POLD3: variants seen among roughly 807,000 people sequenced by gnomAD.
The protein encoded by POLD3 is DNA polymerase delta subunit 3.
Under a neutral mutation model 58.2 loss-of-function variants are expected in POLD3, and 19 were observed. The observed-to-expected ratio is 0.33, with a 90% CI of 0.23 to 0.48. The LOEUF (loss-of-function observed/expected upper bound fraction) is 0.48, where lower values mean the gene tolerates loss of function less well. Among genes scored for constraint, POLD3 ranks in the 20% least tolerant of loss-of-function variants. The pLI is 0.99. For missense variants in POLD3, 504 were observed against 545.5 expected, an observed-to-expected ratio of 0.92 and a Z score of 0.76; for synonymous variants, 172 against 193.5, an observed-to-expected ratio of 0.89 and a Z score of 0.92.
intron 3 of POLD3, among the ~76,000 whole-genome samples, chr11:74,609,365 TATATA>T (rs2031815482): frequency 4.2e-5 from 1 of 23,960 alleles, no homozygotes; most frequent in African/African-American, 3.7e-4. Context: ...TATATATATA[TATATA>T]TATTTTTTTT....
At chr11:74,653,896 C>T (rs1396677931) in intron 4 of POLD3, among the ~76,000 whole-genome samples, 2 of 152,138 alleles carry the variant, frequency 1.3e-5, no homozygotes, top group African/African-American at 2.4e-5. Context: ...AGCATGGTGC[C>T]AGCATCAGCT....
chr11:74,656,966 G>GAGTGTTGAAGGCTCCAGCTATTATTGC (rs1554980867), intron 4 of POLD3, among the ~76,000 whole-genome samples: 16 of 139,400 alleles, frequency 1.1e-4, no homozygotes, highest in Non-Finnish European at 1.6e-4. Context: ...GCTGAAAGTA[G>GAGTGTTGAAGGCTCCAGCTATTATTGC]ATTGGGGGCA....
At chr11:74,598,633 C>T (rs1448880490) in intron 2 of POLD3, among the ~76,000 whole-genome samples, 1 of 152,194 alleles carries the variant, frequency 6.6e-6, no homozygotes, top group Non-Finnish European at 1.5e-5. Flanking sequence ...ATGCACATGT[C>T]TGGCTGTTGA....
At chr11:74,638,123 G>A (rs1215984818) in intron 11 of POLD3, among the ~76,000 whole-genome samples, 4 of 152,224 alleles carry the variant, frequency 2.6e-5, no homozygotes, top group Non-Finnish European at 4.4e-5. Context: ...TGTTACCCAC[G>A]AAAACCAGGT....
At position 74,661,917 on chromosome 11, in the gene POLD3, T is replaced by G. The variant is rs112269670; in HGVS notation, c.370-6860T>G. Among the ~76,000 whole-genome samples the G allele has an allele frequency of 2.6e-3, 400 of 152,350 alleles. 1 individual carries two copies. Among genetic ancestry groups the G allele is most frequent in the African/African-American group, 9.1e-3 (378 of 41,582 alleles). ...TGCTACGAGACAAAGTCCTTTCTAC[T>G]CTTCCCTTCCCTTTCCACAGGCCGA... On this transcript the variant is annotated intron_variant, in intron 4 of 4. Transcript: ENST00000524752.
At chr11:74,625,901 G>GTGTGTGTA (rs569054496) in intron 8 of POLD3, among the ~76,000 whole-genome samples, 3 of 151,522 alleles carry the variant, frequency 2.0e-5, no homozygotes, top group African/African-American at 7.3e-5. Context: ...GTGTGTGTGT[G>GTGTGTGTA]TGTGTTTCAC....
chr11:74,610,291 A>G (rs549024341), intron 3 of POLD3, among the ~76,000 whole-genome samples: 5 of 151,252 alleles, frequency 3.3e-5, no homozygotes, highest in South Asian at 2.1e-4. Context: ...GCTCACTGCA[A>G]CCTCTGCCTC....
At chr11:74,619,550 T>C (rs781488464) in intron 6 of POLD3, among the ~76,000 whole-genome samples, 2 of 152,194 alleles carry the variant, frequency 1.3e-5, no homozygotes, top group Non-Finnish European at 2.9e-5. Flanking sequence ...AGATATTAAC[T>C]ATTTCCCTTT....
At chr11:74,639,738 C>T (rs7925747) in intron 11 of POLD3, among the ~76,000 whole-genome samples, 130,475 of 152,304 alleles carry the variant, frequency 0.86, 56,408 homozygotes, top group African/African-American at 0.97. Flanking sequence ...CTTACTGTTA[C>T]AGTTCTTTTC....
At chr11:74,631,955 C>T (rs2032606642) in intron 9 of POLD3, among the ~76,000 whole-genome samples, 1 of 151,902 alleles carries the variant, frequency 6.6e-6, no homozygotes, top group Admixed American at 6.6e-5. Flanking sequence ...TCTCTTTTAC[C>T]CCTGCGGGGT....
intron 9 of POLD3, among the ~76,000 whole-genome samples, 192 bp downstream of exon 9, chr11:74,629,515 A>G (rs1036158796): frequency 6.6e-6 from 1 of 152,208 alleles, no homozygotes; most frequent in Non-Finnish European, 1.5e-5. Flanking sequence ...GAAATTTGTC[A>G]AAATAACACA....
At chr11:74,607,809 T>G (rs572221372) in intron 3 of POLD3, among the ~76,000 whole-genome samples, 6 of 152,174 alleles carry the variant, frequency 3.9e-5, no homozygotes, top group Admixed American at 3.3e-4. Context: ...CTTGAACTTC[T>G]AAGTTCAAGT....
intron 3 of POLD3, among the ~76,000 whole-genome samples, chr11:74,608,214 C>T (rs1320600734): frequency 1.3e-5 from 2 of 152,148 alleles, no homozygotes; most frequent in East Asian, 3.8e-4. Flanking sequence ...CTCCTGGGTC[C>T]AAGCGATCCC....
chr11:74,625,979 TTTATATCA>T (rs1245346150), intron 8 of POLD3, among the ~76,000 whole-genome samples: 6 of 152,100 alleles, frequency 3.9e-5, no homozygotes, highest in Non-Finnish European at 5.9e-5. Flanking sequence ...TTGTTTTCTT[TTTATATCA>T]ATGAGTTTAT....
At chr11:74,664,829 G>T (rs1037344874) in intron 4 of POLD3, among the ~76,000 whole-genome samples, 33 of 152,188 alleles carry the variant, frequency 2.2e-4, no homozygotes, top group Non-Finnish European at 4.4e-5. Flanking sequence ...GCTGGGTGTG[G>T]TGGCTCACGC....
intron 9 of POLD3, among the ~76,000 whole-genome samples, chr11:74,632,103 A>G (rs1339101077): frequency 6.6e-6 from 1 of 152,226 alleles, no homozygotes; most frequent in South Asian, 2.1e-4. Flanking sequence ...GTCTTTGCTA[A>G]TATTTTCAGT....
Position 74,642,334 on chromosome 11 carries a change from G to T in POLD3, c.*1568G>T, listed in dbSNP as rs200325542. 19 of 985,358 alleles carry T rather than the reference G, an allele frequency of 1.9e-5. No individual in the cohort carries two copies. In the East Asian group the frequency reaches 2.0e-3, roughly 106 times the overall value. 61.0% of individuals were successfully genotyped at this position (985,358 alleles called of 1,614,324 possible). A position where few individuals can be genotyped will look rare whatever the true frequency, so the allele number is the denominator to read the frequency against. Reference sequence around the variant, plus strand: ...AACCCTTCTTTTTAAAAGGAAAAAGGATGGAGAGAAGGATGGAAAGCCTGG... The same window carrying T: ...AACCCTTCTTTTTAAAAGGAAAAAGTATGGAGAGAAGGATGGAAAGCCTGG... On this transcript the variant is annotated 3_prime_UTR_variant, in exon 12 of 12. Transcript: ENST00000263681.
At chr11:74,623,873 G>A (rs1367124763) in intron 7 of POLD3, among the ~76,000 whole-genome samples, 1 of 152,088 alleles carries the variant, frequency 6.6e-6, no homozygotes, top group Non-Finnish European at 1.5e-5. Context: ...CAGTTAATTG[G>A]CTATTGGTAG....
chr11:74,665,540 A>G (rs2033258428), intron 4 of POLD3, among the ~76,000 whole-genome samples: 1 of 151,630 alleles, frequency 6.6e-6, no homozygotes, highest in African/African-American at 2.4e-5. Flanking sequence ...AGCTGCAATT[A>G]CAGGCATGCG....
Sources: gnomAD v4.1 joint callset for allele counts (sites outside exome capture counted in the v4.1 genomes callset) on GRCh38, gnomAD v4.1.1 for gene constraint, MANE v1.5 for transcripts, NCBI Gene and HGNC (gene_info 2026-07-23, HGNC 2026-07-21) for gene names.